LEF1: variants seen among roughly 807,000 people sequenced by gnomAD.
LEF1 encodes the protein lymphoid enhancer binding factor 1, also known as lymphoid enhancer-binding factor 1.
A neutral mutation model predicts 51.2 loss-of-function variants in LEF1; 14 were observed. The ratio of observed to expected loss-of-function variants is 0.27; its 90% CI spans 0.18 to 0.43. The LOEUF (loss-of-function observed/expected upper bound fraction) is 0.43, where lower values mean the gene tolerates loss of function less well. LEF1 is among the 20% of genes least tolerant of loss of function. The probability of loss-of-function intolerance (pLI) is 1.00; values close to 1 mark genes in which losing one functional copy is unlikely to be tolerated. For synonymous variants in LEF1, 185 were observed against 183.2 expected (o/e 1.01, Z -0.08); for missense variants, 386 against 512.0 (o/e 0.75, Z 2.37).
chr4:108,149,331 C>T (rs556471459), intron 3 of LEF1, among the ~76,000 whole-genome samples: 174 of 149,680 alleles, frequency 1.2e-3, no homozygotes, highest in Middle Eastern at 3.4e-3. Context: ...TGGTGGCGGG[C>T]GCCTGTGGTC....
Position 108,083,432 on chromosome 4 carries a change from G to T in LEF1, c.562C>A (p.Pro188Thr), listed in dbSNP as rs1429501592. 6.2e-7 allele frequency: 1 copy of T among 1,612,506 alleles called. No individual in the cohort carries two copies. The highest frequency in any genetic ancestry group is 8.5e-7 in the Non-Finnish European group (1 of 1,178,682). ...VNSKQGMSRH[P>T]PAPDIPTFYP... ...AAAGTAGGGATATCAGGAGCTGGAG[G>T]ATGTCTGGACATGCCTGTTAAACAG... Residue 188 changes from proline (P) to threonine (T), a missense_variant, in exon 5 of 12, where the codon CCT (proline) becomes ACT (threonine). Physicochemically the swap from Pro to Thr is conservative, Grantham distance 38. This residue lies in a region of LEF1 where 335 missense variants were observed against 390.7 expected (regional missense o/e 0.86). Transcript: ENST00000265165.
chr4:108,089,534 T>C (rs955863191), intron 3 of LEF1, among the ~76,000 whole-genome samples: 2 of 152,230 alleles, frequency 1.3e-5, no homozygotes, highest in African/African-American at 2.4e-5. Flanking sequence ...TACTCTTCCA[T>C]ATGGCATGAA....
At chr4:108,152,388 T>C (rs1744412332) in intron 3 of LEF1, among the ~76,000 whole-genome samples, 1 of 152,132 alleles carries the variant, frequency 6.6e-6, no homozygotes, top group Non-Finnish European at 1.5e-5. Flanking sequence ...GTGGAAAGCT[T>C]TTAAAAATAA....
chr4:108,073,954 T>C (rs924277010), intron 8 of LEF1, among the ~76,000 whole-genome samples: 4 of 151,982 alleles, frequency 2.6e-5, no homozygotes, highest in Non-Finnish European at 2.9e-5. Context: ...GCCTCCCTAG[T>C]AGCTGGGACG....
At chr4:108,084,143 C>A (rs936610965) in intron 4 of LEF1, among the ~76,000 whole-genome samples, 4 of 152,208 alleles carry the variant, frequency 2.6e-5, no homozygotes, top group Admixed American at 6.5e-5. Context: ...ACTGTGAAAA[C>A]CACCTAAAGA....
rs144780239 is a variant in LEF1, at chr4:108,116,779, A to C, written c.415-27522T>G. On this transcript the variant is annotated intron_variant, in intron 3 of 11. Coordinates refer to ENST00000265165, the MANE Select transcript of LEF1 (RefSeq NM_016269.5). ...GGCTGTGTGCCCTGTGTGTTTTCAC[A>C]TCCCTGTCTCTCAGTTTCCTGTAAG... is the stretch of plus-strand genomic sequence containing the variant. Among the ~76,000 whole-genome samples, 15 of 152,314 alleles carry C rather than the reference A, an allele frequency of 9.8e-5. No individual in the cohort carries two copies. The East Asian group carries it at 2.9e-3, about 29-fold the overall frequency.
At chr4:108,092,554 A>G (rs1454032788) in intron 3 of LEF1, among the ~76,000 whole-genome samples, 1 of 152,228 alleles carries the variant, frequency 6.6e-6, no homozygotes, top group Non-Finnish European at 1.5e-5. Context: ...ACACAAAGTG[A>G]GAACCCTGGC....
chr4:108,096,439 C>T (rs565818780), intron 3 of LEF1, among the ~76,000 whole-genome samples: 6 of 152,264 alleles, frequency 3.9e-5, no homozygotes, highest in African/African-American at 1.4e-4. Flanking sequence ...AAGATGAAAG[C>T]TGTGTTTAAA....
intron 3 of LEF1, among the ~76,000 whole-genome samples, chr4:108,151,816 G>A (rs543255137): frequency 1.3e-5 from 2 of 152,140 alleles, no homozygotes; most frequent in African/African-American, 4.8e-5. Context: ...TTGGCTTTGC[G>A]ATTCCATACA....
At chr4:108,096,127 G>C (rs1386080028) in intron 3 of LEF1, among the ~76,000 whole-genome samples, 1 of 152,062 alleles carries the variant, frequency 6.6e-6, no homozygotes, top group Non-Finnish European at 1.5e-5. Context: ...GTACTATTTA[G>C]TGGTAAAATA....
rs1745450528 is a variant in LEF1, at chr4:108,167,037, C to T, written c.213+518G>A. 6.6e-6 allele frequency among the ~76,000 whole-genome samples: 1 copy of T among 152,128 alleles called. No individual in the cohort carries two copies. The highest frequency in any genetic ancestry group is 1.5e-5 in the Non-Finnish European group (1 of 68,000). On this transcript the variant is annotated intron_variant, in intron 1 of 11. Transcript: ENST00000265165. The surrounding 1 kb of genome is among the most constrained non-coding windows in gnomAD (Gnocchi z 5.7). Reference sequence around the variant, plus strand: ...GGTGGTAGGGACGGCCCCGCCTGCCCCAGCCCACGCCCGCCTCCCCTTCCT... The same window carrying T: ...GGTGGTAGGGACGGCCCCGCCTGCCTCAGCCCACGCCCGCCTCCCCTTCCT...
rs1379533892 is a variant in LEF1, at chr4:108,167,482, G to C, written c.213+73C>G. The stretch of plus-strand genomic sequence containing the variant: ...CTCAGCCGGGCGGCCGGGCGCCTTC[G>C]TTCCCTTCCTCCCTCTCTGAGTTTC... On this transcript the variant is annotated intron_variant, in intron 1 of 11. Transcript: ENST00000265165. This position sits in a 1 kb window ranked among gnomAD's most constrained non-coding sequence, Gnocchi z 5.7. The C allele has an allele frequency of 2.6e-6, 4 of 1,529,228 alleles. No individual in the cohort carries two copies. Among genetic ancestry groups the C allele is most frequent in the South Asian group, 2.4e-5 (2 of 84,598 alleles). 94.7% of individuals were successfully genotyped at this position (1,529,228 alleles called of 1,614,324 possible). A position where few individuals can be genotyped will look rare whatever the true frequency, so the allele number is the denominator to read the frequency against.
chr4:108,114,202 T>C (rs1273084145), intron 3 of LEF1, among the ~76,000 whole-genome samples: 4 of 152,180 alleles, frequency 2.6e-5, no homozygotes, highest in Non-Finnish European at 5.9e-5. Context: ...AAAAGTGTCC[T>C]TCAGAGATTT....
At chr4:108,120,765 T>C (rs1742126347) in intron 3 of LEF1, among the ~76,000 whole-genome samples, 1 of 152,198 alleles carries the variant, frequency 6.6e-6, no homozygotes, top group Admixed American at 6.5e-5. Flanking sequence ...ATCACATTTG[T>C]CAATATCACC....
chr4:108,099,591 TA>T (rs1740659539), intron 3 of LEF1, among the ~76,000 whole-genome samples: 1 of 111,852 alleles, frequency 8.9e-6, no homozygotes, highest in Admixed American at 8.8e-5. Context: ...TATATATATA[TA>T]TATATATATA....
At chr4:108,151,708 A>C (rs1744367909) in intron 3 of LEF1, among the ~76,000 whole-genome samples, 1 of 152,226 alleles carries the variant, frequency 6.6e-6, no homozygotes, top group Admixed American at 6.5e-5. Flanking sequence ...GAAGGGGTTT[A>C]GAACAGTTCC....
intron 3 of LEF1, among the ~76,000 whole-genome samples, chr4:108,139,048 C>A (rs187583532): frequency 6.6e-6 from 1 of 152,208 alleles, no homozygotes; most frequent in South Asian, 2.1e-4. Flanking sequence ...AAAATACAGA[C>A]TGAGATTCCC....
chr4:108,133,824 A>G (rs1472162210), intron 3 of LEF1, among the ~76,000 whole-genome samples: 1 of 152,222 alleles, frequency 6.6e-6, no homozygotes, highest in Non-Finnish European at 1.5e-5. Flanking sequence ...GAGATTCATT[A>G]CATCAGAAAA....
At chr4:108,065,159 T>A (rs1462056169) in intron 9 of LEF1, among the ~76,000 whole-genome samples, 1 of 152,200 alleles carries the variant, frequency 6.6e-6, no homozygotes, top group Non-Finnish European at 1.5e-5. Flanking sequence ...AGTGGTCTAA[T>A]TTTCCCTTTT....
Sources: gnomAD v4.1 joint callset for allele counts (sites outside exome capture counted in the v4.1 genomes callset) on GRCh38, gnomAD v4.1.1 for gene constraint, gnomAD v4.1.1 regional missense constraint, Gnocchi (gnomAD v3.1) non-coding constraint, MANE v1.5 for transcripts, NCBI Gene and HGNC (gene_info 2026-07-23, HGNC 2026-07-21) for gene names.